RAPH1: variants seen among roughly 807,000 people sequenced by gnomAD.
The protein encoded by RAPH1 is Ras association (RalGDS/AF-6) and pleckstrin homology domains 1.
Under a neutral mutation model 88.1 loss-of-function variants are expected in RAPH1, and 18 were observed. The ratio of observed to expected loss-of-function variants is 0.20; its 90% CI spans 0.14 to 0.30. The LOEUF (loss-of-function observed/expected upper bound fraction) is 0.30. RAPH1 is among the 10% of genes least tolerant of loss of function. The pLI, the probability that RAPH1 is intolerant of heterozygous loss-of-function variation, is 1.00. For missense variants in RAPH1, 1,448 were observed against 1,543.2 expected, an observed-to-expected ratio of 0.94 and a Z score of 1.03; for synonymous variants, 587 against 559.0, an observed-to-expected ratio of 1.05 and a Z score of -0.71.
At chr2:203,442,059 GA>G (rs1475762788) in intron 13 of RAPH1, 1 of 1,595,786 alleles carries the variant, frequency 6.3e-7, no homozygotes, top group Non-Finnish European at 8.5e-7. Context: ...GTAAAGGGGG[GA>G]CATTCTTTAC....
chr2:203,522,911 AAAAAAG>A (rs1689955530), intron 1 of RAPH1, among the ~76,000 whole-genome samples: 1 of 151,218 alleles, frequency 6.6e-6, no homozygotes, highest in Non-Finnish European at 1.5e-5. Flanking sequence ...AAAAAAAAAA[AAAAAAG>A]AAAAAGAAAA....
At chr2:203,478,521 ACT>A (rs1437003974) in intron 4 of RAPH1, among the ~76,000 whole-genome samples, 4 of 149,702 alleles carry the variant, frequency 2.7e-5, no homozygotes, top group African/African-American at 7.4e-5. Flanking sequence ...ATGGAGTCTC[ACT>A]CTGTCGCTCG....
At chr2:203,451,882 C>T (rs1282733314) in intron 10 of RAPH1, among the ~76,000 whole-genome samples, 1 of 152,138 alleles carries the variant, frequency 6.6e-6, no homozygotes, top group Non-Finnish European at 1.5e-5. Context: ...GTACTCTGGG[C>T]CAGTAACTCT....
Position 203,437,961 on chromosome 2 carries a change from T to C in RAPH1, c.*1476A>G, listed in dbSNP as rs2098499809. 3.0e-6 allele frequency: 1 copy of C among 329,848 alleles called. No homozygotes were observed. The highest frequency in any genetic ancestry group is 6.0e-6 in the Non-Finnish European group (1 of 168,044). 20.4% of individuals were successfully genotyped at this position (329,848 alleles called of 1,614,324 possible). A position where few individuals can be genotyped will look rare whatever the true frequency, so the allele number is the denominator to read the frequency against. The stretch of plus-strand genomic sequence containing the variant: ...TTGTTTTATTCCTAATAGTCCAATT[T>C]ATCATAAGTTGATGAGAGTACTTAT... On this transcript the variant is annotated 3_prime_UTR_variant, in exon 14 of 14. Coordinates refer to ENST00000319170, the MANE Select transcript of RAPH1 (RefSeq NM_213589.3).
At chr2:203,454,627 A>G in intron 9 of RAPH1, 87 bp from the exon 10 acceptor site, 1 of 914,022 alleles carries the variant, frequency 1.1e-6, no homozygotes, top group South Asian at 1.6e-5. Flanking sequence ...GGTGAGAATC[A>G]AAACTACTTT....
chr2:203,490,654 C>G (rs1464947421), intron 3 of RAPH1, among the ~76,000 whole-genome samples: 1 of 152,112 alleles, frequency 6.6e-6, no homozygotes, highest in Non-Finnish European at 1.5e-5. Context: ...TGTACTTTGT[C>G]AATTATTAAT....
At chr2:203,532,675 TTTATTA>T (rs944326613) in intron 1 of RAPH1, among the ~76,000 whole-genome samples, 2 of 152,202 alleles carry the variant, frequency 1.3e-5, no homozygotes, top group Non-Finnish European at 2.9e-5. Context: ...GTGGCCACTT[TTTATTA>T]TTATAAGTTT....
At chr2:203,475,342 G>A (rs1687362058) in intron 4 of RAPH1, among the ~76,000 whole-genome samples, 2 of 152,166 alleles carry the variant, frequency 1.3e-5, no homozygotes, top group South Asian at 2.1e-4. Context: ...GGGAGGTGGA[G>A]CTTGCAGTGA....
At chr2:203,472,910 CAG>C (rs2105744833) in intron 4 of RAPH1, among the ~76,000 whole-genome samples, 1 of 152,180 alleles carries the variant, frequency 6.6e-6, no homozygotes, top group East Asian at 1.9e-4. Flanking sequence ...ATTAATGACA[CAG>C]AAATAGAAGT....
chr2:203,480,179 A>G (rs1687659459), intron 4 of RAPH1, among the ~76,000 whole-genome samples: 1 of 152,218 alleles, frequency 6.6e-6, no homozygotes, highest in Admixed American at 6.5e-5. Flanking sequence ...CTTGAACTGA[A>G]TCTGTAACAT....
chr2:203,497,626 A>G lies in RAPH1; in HGVS notation c.1-2273T>C, dbSNP rs560027453. Reference sequence around the variant, plus strand: ...ATACTGGGAAGAACCACAGCTAACCAATATCTCTAATAAATATATCTCTAA... The same window carrying G: ...ATACTGGGAAGAACCACAGCTAACCGATATCTCTAATAAATATATCTCTAA... On this transcript the variant is annotated intron_variant, in intron 1 of 13. Transcript: ENST00000319170. Among the ~76,000 whole-genome samples the G allele has an allele frequency of 2.0e-5, 3 of 152,278 alleles. No homozygotes were observed. In the South Asian group the frequency reaches 6.2e-4, roughly 32 times the overall value.
intron 1 of RAPH1, among the ~76,000 whole-genome samples, chr2:203,516,480 T>C (rs1689611782): frequency 6.6e-6 from 1 of 152,248 alleles, no homozygotes; most frequent in Non-Finnish European, 1.5e-5. Flanking sequence ...CGGGGCGTGA[T>C]GGCTCACGCC....
chr2:203,449,647 AC>A (rs2098513074), intron 10 of RAPH1, among the ~76,000 whole-genome samples: 1 of 152,206 alleles, frequency 6.6e-6, no homozygotes, highest in African/African-American at 2.4e-5. Flanking sequence ...TATGAACACC[AC>A]ATCTCTTTTC....
At chr2:203,526,866 C>G (rs1268474406) in intron 1 of RAPH1, among the ~76,000 whole-genome samples, 1 of 151,782 alleles carries the variant, frequency 6.6e-6, no homozygotes, top group African/African-American at 2.4e-5. Context: ...CTCCTGCAAC[C>G]TCTCCCTCCC....
chr2:203,488,060 CT>C (rs1487034829), intron 4 of RAPH1, among the ~76,000 whole-genome samples: 1 of 152,176 alleles, frequency 6.6e-6, no homozygotes, highest in Non-Finnish European at 1.5e-5. Flanking sequence ...GAAAGGTTGA[CT>C]TAACTTTGCC....
chr2:203,518,724 T>C (rs746491999), intron 1 of RAPH1, among the ~76,000 whole-genome samples: 2 of 151,912 alleles, frequency 1.3e-5, no homozygotes, highest in Non-Finnish European at 2.9e-5. Flanking sequence ...AGCATGTGCC[T>C]GTAGTCCTAG....
At position 203,435,835 on chromosome 2, in the gene RAPH1, A is replaced by C. The variant is rs2098498099; in HGVS notation, c.*3602T>G. 6.6e-6 allele frequency: 1 copy of C among 152,226 alleles called. No homozygotes were observed. The highest frequency in any genetic ancestry group is 6.5e-5 in the Admixed American group (1 of 15,282). The allele number at this position is 152,226 out of a possible 1,614,324, so 9.4% of individuals were successfully genotyped here. A position where few individuals can be genotyped will look rare whatever the true frequency, so the allele number is the denominator to read the frequency against. The stretch of plus-strand genomic sequence containing the variant: ...TTTAGCTGAGGAACAAAGGTGACAA[A>C]GATTTCTGTTGGTGGCTGAGAGTCA... On this transcript the variant is annotated 3_prime_UTR_variant, in exon 14 of 14. Coordinates refer to ENST00000319170, the MANE Select transcript of RAPH1 (RefSeq NM_213589.3).
chr2:203,465,170 G>A (rs1459646443), intron 4 of RAPH1, among the ~76,000 whole-genome samples: 1 of 152,202 alleles, frequency 6.6e-6, no homozygotes, highest in Non-Finnish European at 1.5e-5. Flanking sequence ...GTTGAAAACT[G>A]ATGCCTACAA....
intron 4 of RAPH1, among the ~76,000 whole-genome samples, chr2:203,488,505 C>T (rs1470670644): frequency 1.4e-5 from 2 of 141,490 alleles, no homozygotes; most frequent in African/African-American, 5.3e-5. Flanking sequence ...AGGAGAATCA[C>T]TTAACCCGGG....
Sources: gnomAD v4.1 joint callset for allele counts (sites outside exome capture counted in the v4.1 genomes callset) on GRCh38, gnomAD v4.1.1 for gene constraint, MANE v1.5 for transcripts, NCBI Gene and HGNC (gene_info 2026-07-23, HGNC 2026-07-21) for gene names.